The following OR9Q2 variants were observed in gnomAD, a reference collection of about 807,000 sequenced individuals.
The protein encoded by OR9Q2 is olfactory receptor 9Q2.
OR9Q2 carries 2 observed loss-of-function variants against 2.3 expected under a neutral mutation model. The observed-to-expected ratio is 0.85, with a 90% CI of 0.35 to 2.68. The LOEUF (loss-of-function observed/expected upper bound fraction) is 2.68. Among genes scored for constraint, OR9Q2 ranks in the 30% most tolerant of loss-of-function variants. OR9Q2 has a pLI of 0.10. For synonymous variants in OR9Q2, 178 were observed against 158.6 expected (o/e 1.12, Z -0.92); for missense variants, 404 against 395.7 (o/e 1.02, Z -0.18).
In OR9Q2 at chr11:58,191,475, T is replaced by C; in HGVS notation, c.*40T>C. ...AATATATCATTCCTTAGTTTCCCCA[T>C]CTTTTCTGTCTTTTCTCAATAGCAC... On this transcript the variant is annotated 3_prime_UTR_variant, in exon 2 of 2. Transcript: ENST00000641291. The C allele has an allele frequency of 2.2e-6, 3 of 1,372,500 alleles. No individual in the cohort carries two copies. Among genetic ancestry groups the C allele is most frequent in the East Asian group, 2.3e-5 (1 of 43,112 alleles). 85.0% of individuals were successfully genotyped at this position (1,372,500 alleles called of 1,614,324 possible). A position where few individuals can be genotyped will look rare whatever the true frequency, so the allele number is the denominator to read the frequency against.
rs1854778771 is a variant in OR9Q2 at position 58,192,970 on chromosome 11, A to C, written c.*1535A>C. 6.6e-6 allele frequency: 1 copy of C among 152,196 alleles called. No homozygotes were observed. The highest frequency in any genetic ancestry group is 2.4e-5 in the African/African-American group (1 of 41,464). The allele number at this position is 152,196 out of a possible 1,614,324, so 9.4% of individuals were successfully genotyped here. ...AGTGTCCAGTCTGCCACTTCTTAGC[A>C]GTGTGGCTTCAGATTAATTAGTGCC... On this transcript the variant is annotated 3_prime_UTR_variant, in exon 2 of 2. Coordinates refer to ENST00000641291, the MANE Select transcript of OR9Q2 (RefSeq NM_001005283.3).
rs1854767342 is a variant in OR9Q2 at position 58,191,729 on chromosome 11, G to C, written c.*294G>C. 4.5e-6 allele frequency: 1 copy of C among 221,130 alleles called. No homozygotes were observed. The highest frequency in any genetic ancestry group is 8.9e-6 in the Non-Finnish European group (1 of 111,750). 13.7% of individuals were successfully genotyped at this position (221,130 alleles called of 1,614,324 possible). On this transcript the variant is annotated 3_prime_UTR_variant, in exon 2 of 2. Transcript: ENST00000641291. ...TGTCCAGTTCCTAGCAAAGCACCTA[G>C]CATGTGAAAGGCACTCAATAAATAT...
In OR9Q2 at chr11:58,192,057, T is replaced by C. The variant is rs993112655; in HGVS notation, c.*622T>C. 2 of 151,796 alleles carry C rather than the reference T, an allele frequency of 1.3e-5. No homozygotes were observed. Among genetic ancestry groups the C allele is most frequent in the African/African-American group, 4.8e-5 (2 of 41,358 alleles). 9.4% of individuals were successfully genotyped at this position (151,796 alleles called of 1,614,324 possible). ...GTATTTTCCAAATTTTGTCATTTAT[T>C]CATTTATTCTTTCTTTTTTTATCTT... On this transcript the variant is annotated 3_prime_UTR_variant, in exon 2 of 2. Coordinates refer to ENST00000641291, the MANE Select transcript of OR9Q2 (RefSeq NM_001005283.3).
intron 1 of OR9Q2, among the ~76,000 whole-genome samples, chr11:58,190,109 A>C (rs1306277543): frequency 6.6e-6 from 1 of 152,126 alleles, no homozygotes; most frequent in East Asian, 1.9e-4. Flanking sequence ...CCTACGCATT[A>C]ATCTTATCTC....
In OR9Q2 at chr11:58,190,391, T is replaced by C. The variant is rs1008116128; in HGVS notation, c.-100T>C. On this transcript the variant is annotated 5_prime_UTR_variant, in exon 2 of 2. Transcript: ENST00000641291. ...AAGTTGAGTGCCGACATGTAAGACA[T>C]TCAATTTAAAGCTTTGTTACTTGAA... The C allele has an allele frequency of 2.6e-6, 2 of 778,958 alleles. No individual in the cohort carries two copies. The highest frequency in any genetic ancestry group is 3.4e-5 in the South Asian group (2 of 58,512). 48.3% of individuals were successfully genotyped at this position (778,958 alleles called of 1,614,324 possible). A position where few individuals can be genotyped will look rare whatever the true frequency, so the allele number is the denominator to read the frequency against.
In OR9Q2 at chr11:58,191,035, C is replaced by G. The variant is rs1216760564; in HGVS notation, c.545C>G (p.Pro182Arg). Residue 182 changes from proline (P) to arginine (R), a missense_variant, in exon 2 of 2, where the codon CCT becomes CGT. Physicochemically the swap from Pro to Arg is moderately radical, Grantham distance 103. Coordinates refer to ENST00000641291, the MANE Select transcript of OR9Q2 (RefSeq NM_001005283.3). ...ATCAACTTCATTTTCTGTGACCTCCCTCCTCTATTAAAACTCTCCTGTGGG... is the reference window on the plus strand; with the variant it reads ...ATCAACTTCATTTTCTGTGACCTCCGTCCTCTATTAAAACTCTCCTGTGGG... Reference protein sequence around the residue: ...NEINFIFCDLPPLLKLSCGDS... With the variant: ...NEINFIFCDLRPLLKLSCGDS... The G allele has an allele frequency of 2.5e-6, 4 of 1,614,066 alleles. No individual in the cohort carries two copies. In the African/African-American group the frequency reaches 4.0e-5, roughly 16 times the overall value.
In OR9Q2 at chr11:58,193,105, T is replaced by C. The variant is rs564235275; in HGVS notation, c.*1670T>C. On this transcript the variant is annotated 3_prime_UTR_variant, in exon 2 of 2. Coordinates refer to ENST00000641291, the MANE Select transcript of OR9Q2 (RefSeq NM_001005283.3). ...CAATAACTTGGTATATTTGGATAAT[T>C]GGAAGGCATTCGGTAATATTATAAA... 5.3e-5 allele frequency: 8 copies of C among 152,224 alleles called. No homozygotes were observed. The highest frequency in any genetic ancestry group is 2.0e-4 in the Admixed American group (3 of 15,290). The allele number at this position is 152,224 out of a possible 1,614,324, so 9.4% of individuals were successfully genotyped here.
At position 58,192,734 on chromosome 11, in the gene OR9Q2, C is replaced by G. The variant is rs775269287; in HGVS notation, c.*1299C>G. 1.3e-4 allele frequency: 20 copies of G among 152,232 alleles called. 1 individual carries two copies. Among genetic ancestry groups the G allele is most frequent in the Non-Finnish European group, 2.9e-4 (20 of 68,010 alleles). The allele number at this position is 152,232 out of a possible 1,614,324, so 9.4% of individuals were successfully genotyped here. A position where few individuals can be genotyped will look rare whatever the true frequency, so the allele number is the denominator to read the frequency against. Reference sequence around the variant, plus strand: ...GGAAAAGGTATAGGGAAAAAATGAACACCTATGGCCAAGAGGTTTGGGATC... The same window carrying G: ...GGAAAAGGTATAGGGAAAAAATGAAGACCTATGGCCAAGAGGTTTGGGATC... On this transcript the variant is annotated 3_prime_UTR_variant, in exon 2 of 2. Transcript: ENST00000641291.
rs986250838 is a variant in OR9Q2 at position 58,192,485 on chromosome 11, G to C, written c.*1050G>C. On this transcript the variant is annotated 3_prime_UTR_variant, in exon 2 of 2. Transcript: ENST00000641291. ...TTTTCCTTTTATCTGGTGAAGAAAA[G>C]GTAAAAGTCCAATCTGTTGGTGTAG... 6.6e-6 allele frequency: 1 copy of C among 152,078 alleles called. No homozygotes were observed. The allele number at this position is 152,078 out of a possible 1,614,324, so 9.4% of individuals were successfully genotyped here.
At position 58,190,987 on chromosome 11, in the gene OR9Q2, T is replaced by C. The variant is rs759423134; in HGVS notation, c.497T>C (p.Leu166Pro). 11 of 1,614,086 alleles carry C rather than the reference T, an allele frequency of 6.8e-6. No homozygotes were observed. The East Asian group carries it at 1.3e-4, about 20-fold the overall frequency. Residue 166 changes from leucine to proline, a missense_variant, in exon 2 of 2, where the codon CTC becomes CCC. Physicochemically the swap from Leu to Pro is moderately conservative, Grantham distance 98 (BLOSUM62 -3). Transcript: ENST00000641291. ...AFVRTVTAFT[L>P]SFCGNNEINF... is the part of the protein sequence containing the mutation. ...GTTCGAACGGTCACAGCCTTCACTCTCTCCTTTTGTGGAAACAATGAGATC... is the reference window on the plus strand; with the variant it reads ...GTTCGAACGGTCACAGCCTTCACTCCCTCCTTTTGTGGAAACAATGAGATC...
At position 58,193,644 on chromosome 11, in the gene OR9Q2, C is replaced by A. The variant is rs766351694; in HGVS notation, c.*2209C>A. 6.6e-6 allele frequency: 1 copy of A among 152,198 alleles called. No homozygotes were observed. The highest frequency in any genetic ancestry group is 1.5e-5 in the Non-Finnish European group (1 of 68,066). The allele number at this position is 152,198 out of a possible 1,614,324, so 9.4% of individuals were successfully genotyped here. ...CTTCTCCTTCTCCCAGGCCCTAGTTCCTGGTTATAGTTTGCTTCAGAGGTT... is the reference window on the plus strand; with the variant it reads ...CTTCTCCTTCTCCCAGGCCCTAGTTACTGGTTATAGTTTGCTTCAGAGGTT... On this transcript the variant is annotated 3_prime_UTR_variant, in exon 2 of 2. Transcript: ENST00000641291.
rs568053995 is a variant in OR9Q2, at chr11:58,189,556, A to G, written c.-173+448A>G. On this transcript the variant is annotated intron_variant, in intron 1 of 1. Transcript: ENST00000641291. ...TGGTCTGGCTGCTGGTACAACAGGT[A>G]CTCAAACACTATCAAAGCCCTCCTT... Among the ~76,000 whole-genome samples the G allele has an allele frequency of 1.7e-4, 26 of 152,300 alleles. No homozygotes were observed. The South Asian group carries it at 3.9e-3, about 23-fold the overall frequency.
Position 58,192,872 on chromosome 11 carries a change from C to T in OR9Q2, c.*1437C>T, listed in dbSNP as rs1854778003. 1 of 152,176 alleles carries T rather than the reference C, an allele frequency of 6.6e-6. No individual in the cohort carries two copies. Among genetic ancestry groups the T allele is most frequent in the African/African-American group, 2.4e-5 (1 of 41,436 alleles). 9.4% of individuals were successfully genotyped at this position (152,176 alleles called of 1,614,324 possible). On this transcript the variant is annotated 3_prime_UTR_variant, in exon 2 of 2. Transcript: ENST00000641291. ...ATATTAACTGTCATGCAAATATTTT[C>T]AGAGCACACCAACATCTGTGGTGGG...
In OR9Q2 at chr11:58,190,700, C is replaced by T. The variant is rs1480420133; in HGVS notation, c.210C>T (p.Asp70=). The T allele has an allele frequency of 1.2e-6, 2 of 1,614,218 alleles. No individual in the cohort carries two copies. The highest frequency in any genetic ancestry group is 1.3e-5 in the African/African-American group (1 of 75,070). ...TCCTCAGCCACCTTTCCTTGGTGGA[C>T]ATCTGCTACTCGTCCGCCATCATCC... ...YFFLSHLSLV[D]ICYSSAIIPQ... The change falls in exon 2 of 2, where the codon GAC becomes GAT. Residue 70 remains aspartate (D), a synonymous_variant. Coordinates refer to ENST00000641291, the MANE Select transcript of OR9Q2 (RefSeq NM_001005283.3).
chr11:58,190,023 C>A (rs1468750096), intron 1 of OR9Q2, among the ~76,000 whole-genome samples: 1 of 152,134 alleles, frequency 6.6e-6, no homozygotes, highest in Admixed American at 6.6e-5. Context: ...TTAAAACATT[C>A]ATTTAAAATT....
chr11:58,191,251 C>A lies in OR9Q2; in HGVS notation c.761C>A (p.Thr254Asn). 2 of 1,614,040 alleles carry A rather than the reference C, an allele frequency of 1.2e-6. No individual in the cohort carries two copies. Among genetic ancestry groups the A allele is most frequent in the Non-Finnish European group, 1.7e-6 (2 of 1,180,014 alleles). Residue 254 changes from threonine (T) to asparagine (N), a missense_variant, in exon 2 of 2, where the codon ACC (threonine) becomes AAC (asparagine). Thr to Asn is a moderately conservative substitution (Grantham distance 65, BLOSUM62 0). Coordinates refer to ENST00000641291, the MANE Select transcript of OR9Q2 (RefSeq NM_001005283.3). ...ACTGCCGTCGCTCTTTTCTTTGGCA[C>A]CCTCATCTTCATGTACCTGCGAGAC... Reference protein sequence around the residue: ...HLTAVALFFGTLIFMYLRDNT... With the variant: ...HLTAVALFFGNLIFMYLRDNT...
rs2120003478 is a variant in OR9Q2, at chr11:58,190,479, A to G, written c.-12A>G. 6.3e-7 allele frequency: 1 copy of G among 1,594,454 alleles called. No homozygotes were observed. The highest frequency in any genetic ancestry group is 8.6e-7 in the Non-Finnish European group (1 of 1,164,298). On this transcript the variant is annotated 5_prime_UTR_variant, in exon 2 of 2. Transcript: ENST00000641291. ...CTCTTGTCTTAGCCGTTGCAGGTGA[A>G]CCACTGGATGGATGGCTGAAAGGAA...
At chr11:58,189,308 G>A (rs958795600) in intron 1 of OR9Q2, among the ~76,000 whole-genome samples, 200 bp downstream of exon 1, 3 of 152,132 alleles carry the variant, frequency 2.0e-5, no homozygotes, top group Admixed American at 1.3e-4. Flanking sequence ...GGTAACTGAA[G>A]CCCAGAGAGG....
Position 58,191,174 on chromosome 11 carries a change from C to G in OR9Q2, c.684C>G (p.Ile228Met). The change falls in exon 2 of 2, where the codon ATC becomes ATG. Residue 228 changes from isoleucine (I) to methionine (M), a missense_variant. Ile to Met is a conservative substitution (Grantham distance 10, BLOSUM62 1). Coordinates refer to ENST00000641291, the MANE Select transcript of OR9Q2 (RefSeq NM_001005283.3). The stretch of plus-strand genomic sequence containing the variant: ...TTATCATTGTGGCCATCCTGCAGAT[C>G]CACTCTGCTGGAGGCCGGGCCAAGA... ...YLFIIVAILQ[I>M]HSAGGRAKTF... 1 of 1,614,126 alleles carries G rather than the reference C, an allele frequency of 6.2e-7. No individual in the cohort carries two copies. Among genetic ancestry groups the G allele is most frequent in the South Asian group, 1.1e-5 (1 of 91,080 alleles).
Sources: gnomAD v4.1 joint callset for allele counts (sites outside exome capture counted in the v4.1 genomes callset) on GRCh38, gnomAD v4.1.1 for gene constraint, MANE v1.5 for transcripts, NCBI Gene and HGNC (gene_info 2026-07-23, HGNC 2026-07-21) for gene names.